The following SEMA3A variants were observed in gnomAD, a reference collection of about 807,000 sequenced individuals.
SEMA3A encodes semaphorin 3A, also known as semaphorin-3A.
A neutral mutation model predicts 97.9 loss-of-function variants in SEMA3A; 29 were observed. The ratio of observed to expected loss-of-function variants is 0.30; its 90% CI spans 0.22 to 0.40. The LOEUF is 0.40. Ranked by LOEUF, SEMA3A falls within the 10% of genes least tolerant of loss-of-function variation. The pLI is 1.00. For synonymous variants in SEMA3A, 321 were observed against 323.7 expected, an observed-to-expected ratio of 0.99 and a Z score of 0.09; for missense variants, 763 against 951.3, an observed-to-expected ratio of 0.80 and a Z score of 2.60.
intron 7 of SEMA3A, among the ~76,000 whole-genome samples, chr7:84,012,567 C>T (rs1351947553): frequency 1.3e-5 from 2 of 151,956 alleles, no homozygotes; most frequent in East Asian, 1.9e-4. Context: ...AATACACATA[C>T]AAAAAATAGA....
chr7:84,429,735 G>C (rs973665573), intron 1 of SEMA3A, among the ~76,000 whole-genome samples: 3 of 150,760 alleles, frequency 2.0e-5, no homozygotes, highest in Non-Finnish European at 4.4e-5. Flanking sequence ...AGGGTGTTCT[G>C]TCAGGTAAGA....
rs1165225224 is a variant in SEMA3A at position 83,959,197 on chromosome 7, T to C, written c.*2174A>G. The C allele has an allele frequency of 6.6e-6, 1 of 152,094 alleles. No homozygotes were observed. The highest frequency in any genetic ancestry group is 1.5e-5 in the Non-Finnish European group (1 of 67,934). 9.4% of individuals were successfully genotyped at this position (152,094 alleles called of 1,614,324 possible). On this transcript the variant is annotated 3_prime_UTR_variant, in exon 17 of 17. Transcript: ENST00000265362. ...CTGAAAGTCTTCTATAAATTTATCA[T>C]ATAATCTCTATCCCTTCAAATCCTT... is the stretch of plus-strand genomic sequence containing the variant.
At chr7:84,457,445 T>C (rs1241300303) in intron 1 of SEMA3A, among the ~76,000 whole-genome samples, 2 of 151,884 alleles carry the variant, frequency 1.3e-5, no homozygotes, top group African/African-American at 4.8e-5. Context: ...TGATTTGCCT[T>C]TTACATTTTT....
At chr7:84,377,502 T>C (rs1462103191) in intron 1 of SEMA3A, among the ~76,000 whole-genome samples, 1 of 152,190 alleles carries the variant, frequency 6.6e-6, no homozygotes, top group African/African-American at 2.4e-5. Context: ...TGGGTTACTA[T>C]AGCTTTGTAG....
chr7:84,365,135 T>C (rs1802814246), intron 2 of SEMA3A, among the ~76,000 whole-genome samples: 1 of 151,460 alleles, frequency 6.6e-6, no homozygotes, highest in Non-Finnish European at 1.5e-5. Context: ...GTAGGGAGAA[T>C]TGAGGGGTGT....
Position 84,005,437 on chromosome 7 carries a change from A to G in SEMA3A, c.1262T>C (p.Ile421Thr), listed in dbSNP as rs1239736628. 4 of 1,613,574 alleles carry G rather than the reference A, an allele frequency of 2.5e-6. No individual in the cohort carries two copies. In the Admixed American group the frequency reaches 5.0e-5, roughly 20 times the overall value. The change falls in exon 11 of 17, where the codon ATA becomes ACA. Residue 421 changes from isoleucine to threonine, a missense_variant. Physicochemically the swap from Ile to Thr is moderately conservative, Grantham distance 89 (BLOSUM62 -1). Coordinates refer to ENST00000265362, the MANE Select transcript of SEMA3A (RefSeq NM_006080.3). ...NPVFPMNNRP[I>T]VIKTDVNYQF... Reference sequence around the variant, plus strand: ...ATAATTTACATCCGTTTTGATCACTATTGGGCGATTGTTCATAGGAAACAC... The same window carrying G: ...ATAATTTACATCCGTTTTGATCACTGTTGGGCGATTGTTCATAGGAAACAC...
intron 1 of SEMA3A, among the ~76,000 whole-genome samples, chr7:84,444,640 C>T (rs955777600): frequency 4.0e-5 from 6 of 150,836 alleles, no homozygotes; most frequent in African/African-American, 9.8e-5. Context: ...CGGCTCACTG[C>T]AAGCTCCCCC....
intron 1 of SEMA3A, among the ~76,000 whole-genome samples, chr7:84,144,400 T>G (rs1796405669): frequency 6.6e-6 from 1 of 151,928 alleles, no homozygotes; most frequent in African/African-American, 2.4e-5. Context: ...AACTAAGTAA[T>G]AATAAAATCT....
intron 1 of SEMA3A, among the ~76,000 whole-genome samples, chr7:84,176,958 G>A (rs1229694737): frequency 3.9e-5 from 6 of 152,190 alleles, no homozygotes; most frequent in Non-Finnish European, 5.9e-5. Context: ...CATAAAATTA[G>A]ACTACTTTAG....
intron 1 of SEMA3A, among the ~76,000 whole-genome samples, chr7:84,434,065 T>A (rs1805056773): frequency 6.6e-6 from 1 of 152,212 alleles, no homozygotes; most frequent in Non-Finnish European, 1.5e-5. Flanking sequence ...GTGCAGAAGA[T>A]CTTTAGTTTA....
chr7:84,377,676 G>A (rs1369975954), intron 1 of SEMA3A, among the ~76,000 whole-genome samples: 2 of 152,110 alleles, frequency 1.3e-5, no homozygotes, highest in Non-Finnish European at 2.9e-5. Flanking sequence ...AATATTAAGT[G>A]GCATTGCTGG....
intron 1 of SEMA3A, among the ~76,000 whole-genome samples, chr7:84,476,392 T>C (rs1011965022): frequency 6.6e-6 from 1 of 151,854 alleles, no homozygotes; most frequent in East Asian, 1.9e-4. Flanking sequence ...AAATTTTTTT[T>C]CAATGTGTCT....
intron 1 of SEMA3A, among the ~76,000 whole-genome samples, chr7:84,149,592 A>C (rs1796567079): frequency 6.6e-6 from 1 of 152,262 alleles, no homozygotes; most frequent in Admixed American, 6.5e-5. Context: ...ATTCAGAACA[A>C]GATTTACCTC....
chr7:84,062,495 C>T (rs1793267222), intron 4 of SEMA3A, among the ~76,000 whole-genome samples: 1 of 152,174 alleles, frequency 6.6e-6, no homozygotes, highest in Non-Finnish European at 1.5e-5. Context: ...TTCTGCATTT[C>T]CATCTCAGGT....
At chr7:84,118,917 T>G (rs897500078) in intron 3 of SEMA3A, among the ~76,000 whole-genome samples, 2 of 151,890 alleles carry the variant, frequency 1.3e-5, no homozygotes, top group Non-Finnish European at 2.9e-5. Flanking sequence ...ACAGTTGGTC[T>G]CTGGTAAAAC....
chr7:84,490,172 T>C (rs1204153579), intron 1 of SEMA3A, among the ~76,000 whole-genome samples: 1 of 147,758 alleles, frequency 6.8e-6, no homozygotes, highest in Non-Finnish European at 1.5e-5. Context: ...AAAATGTAAG[T>C]TGGATATAAC....
intron 3 of SEMA3A, among the ~76,000 whole-genome samples, chr7:84,285,378 AT>A (rs1473105117): frequency 4.6e-5 from 7 of 152,176 alleles, no homozygotes; most frequent in African/African-American, 1.7e-4. Context: ...TAAGAAAAAA[AT>A]ATGTGCACAT....
chr7:84,223,350 C>T (rs1251308183), intron 3 of SEMA3A, among the ~76,000 whole-genome samples: 1 of 151,636 alleles, frequency 6.6e-6, no homozygotes, highest in Non-Finnish European at 1.5e-5. Flanking sequence ...CATGTATATA[C>T]ATATATATAC....
At chr7:84,313,870 C>A (rs918786086) in intron 2 of SEMA3A, among the ~76,000 whole-genome samples, 1 of 151,954 alleles carries the variant, frequency 6.6e-6, no homozygotes, top group Non-Finnish European at 1.5e-5. Flanking sequence ...GTTTCCTCCT[C>A]TGTGGTCTTA....
Sources: gnomAD v4.1 joint callset for allele counts (sites outside exome capture counted in the v4.1 genomes callset) on GRCh38, gnomAD v4.1.1 for gene constraint, MANE v1.5 for transcripts, NCBI Gene and HGNC (gene_info 2026-07-23, HGNC 2026-07-21) for gene names.